The following CTPS2 variants were observed in gnomAD, a reference collection of about 807,000 sequenced individuals.
The protein encoded by CTPS2 is CTP synthase II.
Under a neutral mutation model 46.8 loss-of-function variants are expected in CTPS2, and 19 were observed. The ratio of observed to expected loss-of-function variants is 0.41; its 90% CI spans 0.28 to 0.60. The LOEUF (loss-of-function observed/expected upper bound fraction) is 0.60. CTPS2 is among the 20% of genes least tolerant of loss of function. The pLI, the probability that CTPS2 is intolerant of heterozygous loss-of-function variation, is 0.35. For missense variants in CTPS2, 286 were observed against 447.6 expected (o/e 0.64, Z 3.26); for synonymous variants, 151 against 165.2 (o/e 0.91, Z 0.66).
chrX:16,654,457 G>A lies in CTPS2; in HGVS notation c.1296+13057C>T, dbSNP rs1932771775. On this transcript the variant is annotated intron_variant, in intron 13 of 18. Coordinates refer to ENST00000359276, the MANE Select transcript of CTPS2 (RefSeq NM_175859.3). ...CAAGAACTGGACAAGAATGGAGATG[G>A]AGAAGTTAGTTTTGAAGAATTCCAA... 3.3e-6 allele frequency: 4 copies of A among 1,204,140 alleles called. No individual in the cohort carries two copies. Among genetic ancestry groups the A allele is most frequent in the Admixed American group, 2.2e-5 (1 of 45,675 alleles).
At chrX:16,663,161 G>A (rs189622083) in intron 13 of CTPS2, among the ~76,000 whole-genome samples, 15 of 111,394 alleles carry the variant, frequency 1.3e-4, no homozygotes, top group Non-Finnish European at 2.5e-4. Flanking sequence ...GTTTGGTTTT[G>A]TTTTGAGACA....
chrX:16,670,712 C>CT, intron 10 of CTPS2, 38 bp from the exon 11 acceptor site: 1 of 1,023,747 alleles, frequency 9.8e-7, no homozygotes, highest in African/African-American at 2.0e-5. Context: ...CTTGACTATC[C>CT]ATTTTTTTTT....
intron 6 of CTPS2, 74 bp downstream of exon 6, chrX:16,693,061 TAAAAAA>T: frequency 1.8e-6 from 1 of 554,006 alleles, no homozygotes; most frequent in Non-Finnish European, 2.9e-6. Flanking sequence ...CGTCTCAAAT[TAAAAAA>T]AAAAAAAAAA....
intron 10 of CTPS2, among the ~76,000 whole-genome samples, chrX:16,676,280 G>T (rs752905134): frequency 9.0e-6 from 1 of 111,117 alleles, no homozygotes; most frequent in African/African-American, 3.3e-5. Flanking sequence ...CTCATACCTT[G>T]TCTACACAGT....
At chrX:16,709,150 G>A (rs778649376) in intron 1 of CTPS2, among the ~76,000 whole-genome samples, 57 of 110,562 alleles carry the variant, frequency 5.2e-4, no homozygotes, top group African/African-American at 1.4e-3. Flanking sequence ...TTATGTGGCC[G>A]GGCACGGTGG....
intron 8 of CTPS2, among the ~76,000 whole-genome samples, chrX:16,687,848 C>T (rs1923361401): frequency 9.0e-6 from 1 of 111,479 alleles, no homozygotes; most frequent in Admixed American, 9.7e-5. Flanking sequence ...CATCAGCAAC[C>T]GATACTTATT....
At chrX:16,668,310 C>T (rs1921368577) in intron 11 of CTPS2, among the ~76,000 whole-genome samples, 1 of 105,681 alleles carries the variant, frequency 9.5e-6, no homozygotes, top group African/African-American at 3.5e-5. Context: ...TGCGGTGGCT[C>T]ACACTTGTAA....
At chrX:16,657,048 T>C (rs1482447932) in intron 13 of CTPS2, among the ~76,000 whole-genome samples, 1 of 109,339 alleles carries the variant, frequency 9.1e-6, no homozygotes, top group East Asian at 2.9e-4. Flanking sequence ...CATGACTGGC[T>C]AATTTTTTTT....
intron 1 of CTPS2, among the ~76,000 whole-genome samples, chrX:16,704,531 C>A (rs947103690): frequency 3.6e-5 from 4 of 111,929 alleles, no homozygotes; most frequent in Non-Finnish European, 7.5e-5. Context: ...AGTCACAATA[C>A]AAAGGAATTT....
chrX:16,705,884 C>T (rs1229373236), intron 1 of CTPS2, among the ~76,000 whole-genome samples: 6 of 110,192 alleles, frequency 5.4e-5, no homozygotes, highest in African/African-American at 2.0e-4. Flanking sequence ...AGGTGGATCA[C>T]GAGGTCAGGA....
intron 17 of CTPS2, 79 bp from the exon 18 acceptor site, chrX:16,590,941 A>G: frequency 3.0e-6 from 2 of 667,108 alleles, no homozygotes; most frequent in Admixed American, 5.2e-5. Flanking sequence ...TTTCAAACAC[A>G]TTCCATATTA....
chrX:16,665,461 G>A (rs1427645992), intron 13 of CTPS2, among the ~76,000 whole-genome samples: 2 of 112,486 alleles, frequency 1.8e-5, no homozygotes, highest in South Asian at 3.6e-4. Context: ...GTACTGATAC[G>A]TGTTACAACA....
chrX:16,634,358 C>T (rs1331808336), intron 14 of CTPS2, among the ~76,000 whole-genome samples: 1 of 111,871 alleles, frequency 8.9e-6, no homozygotes, highest in Non-Finnish European at 1.9e-5. Context: ...TCTCCCTCTT[C>T]CTCAAAATGT....
intron 17 of CTPS2, among the ~76,000 whole-genome samples, chrX:16,595,914 G>A (rs1929221629): frequency 8.9e-6 from 1 of 112,519 alleles, no homozygotes; most frequent in African/African-American, 3.2e-5. Context: ...CTGTCACCCA[G>A]GCTGGAGTGC....
intron 17 of CTPS2, among the ~76,000 whole-genome samples, chrX:16,594,185 TG>T (rs762427834): frequency 9.0e-6 from 1 of 111,535 alleles, no homozygotes; most frequent in Admixed American, 9.5e-5. Flanking sequence ...CACTAGGGCA[TG>T]TCCCCTAACG....
At chrX:16,640,451 C>T (rs376441150) in intron 13 of CTPS2, among the ~76,000 whole-genome samples, 1 of 111,661 alleles carries the variant, frequency 9.0e-6, no homozygotes, top group Non-Finnish European at 1.9e-5. Context: ...CCTCACAGAA[C>T]GAGGTTCTTC....
Position 16,679,823 on chromosome X carries a change from A to G in CTPS2, c.1006-1373T>C, listed in dbSNP as rs1033315812. On this transcript the variant is annotated intron_variant, in intron 9 of 18. Transcript: ENST00000359276. Reference sequence around the variant, plus strand: ...AGGGCCCTCACCAGAACCCGGCCACATGCTGGCACCCTAATCTTGGACTTC... The same window carrying G: ...AGGGCCCTCACCAGAACCCGGCCACGTGCTGGCACCCTAATCTTGGACTTC... 1.2e-4 allele frequency among the ~76,000 whole-genome samples: 13 copies of G among 111,654 alleles called. No homozygotes were observed. The East Asian group carries it at 3.4e-3, about 29-fold the overall frequency.
intron 1 of CTPS2, among the ~76,000 whole-genome samples, chrX:16,706,679 G>A (rs1925035660): frequency 9.0e-6 from 1 of 111,100 alleles, no homozygotes; most frequent in African/African-American, 3.3e-5. Context: ...TGGCGAACAT[G>A]GTGAAATCCC....
At chrX:16,668,593 A>AG (rs1227091668) in intron 11 of CTPS2, among the ~76,000 whole-genome samples, 1 of 104,885 alleles carries the variant, frequency 9.5e-6, no homozygotes, top group Non-Finnish European at 1.9e-5. Flanking sequence ...TCAAAAAAAA[A>AG]GAAAATAAAA....
Sources: allele counts gnomAD v4.1 joint callset (sites outside exome capture counted in the v4.1 genomes callset), GRCh38; gene constraint gnomAD v4.1.1; transcripts MANE v1.5; gene names NCBI Gene and HGNC (gene_info 2026-07-23, HGNC 2026-07-21).